DOCK5: variants seen among roughly 807,000 people sequenced by gnomAD.
The protein encoded by DOCK5 is dedicator of cytokinesis 5.
A neutral mutation model predicts 251.8 loss-of-function variants in DOCK5; 142 were observed. The observed-to-expected ratio is 0.56, with a 90% CI of 0.49 to 0.65. The LOEUF is 0.65. Ranked by LOEUF, DOCK5 falls within the 30% of genes least tolerant of loss-of-function variation. DOCK5 has a pLI of 0.00. For synonymous variants in DOCK5, 842 were observed against 835.5 expected (o/e 1.01, Z -0.13); for missense variants, 2,111 against 2,312.3 (o/e 0.91, Z 1.79).
chr8:25,297,387 A>G (rs1462485226), intron 7 of DOCK5, among the ~76,000 whole-genome samples: 1 of 151,902 alleles, frequency 6.6e-6, no homozygotes, highest in African/African-American at 2.4e-5. Flanking sequence ...CCTTCCGAGT[A>G]GCTGGGATTA....
chr8:25,359,185 G>A, intron 28 of DOCK5, 124 bp downstream of exon 28: 2 of 765,264 alleles, frequency 2.6e-6, no homozygotes, highest in East Asian at 2.5e-5. Context: ...CTATGTGGCT[G>A]TCCACAGTGA....
intron 1 of DOCK5, among the ~76,000 whole-genome samples, chr8:25,212,723 C>T (rs758207256): frequency 2.9e-5 from 2 of 69,350 alleles, no homozygotes; most frequent in African/African-American, 6.5e-5. Context: ...GAGAGAGGGT[C>T]GAAAACCCCT....
intron 1 of DOCK5, among the ~76,000 whole-genome samples, chr8:25,240,879 C>A (rs1293776984): frequency 6.6e-6 from 1 of 152,066 alleles, no homozygotes; most frequent in Non-Finnish European, 1.5e-5. Flanking sequence ...GGCTGTGCTC[C>A]CTCCGGAGGC....
chr8:25,400,907 C>T, intron 46 of DOCK5, 22 bp from the exon 47 acceptor site: 3 of 1,613,586 alleles, frequency 1.9e-6, no homozygotes, highest in Non-Finnish European at 1.7e-6. Context: ...ACACTGCACT[C>T]ATTTTTTGCC....
At chr8:25,236,523 A>C (rs568114890) in intron 1 of DOCK5, among the ~76,000 whole-genome samples, 1 of 152,304 alleles carries the variant, frequency 6.6e-6, no homozygotes, top group Admixed American at 6.5e-5. Flanking sequence ...TTTTTATAGA[A>C]TGCATATCTG....
chr8:25,403,945 A>G (rs1390084290), intron 48 of DOCK5, among the ~76,000 whole-genome samples: 1 of 152,226 alleles, frequency 6.6e-6, no homozygotes, highest in Non-Finnish European at 1.5e-5. Context: ...ACATACCTAT[A>G]GTCATTACCT....
intron 2 of DOCK5, among the ~76,000 whole-genome samples, chr8:25,260,458 A>G (rs1803549026): frequency 6.6e-6 from 1 of 152,046 alleles, no homozygotes; most frequent in Non-Finnish European, 1.5e-5. Flanking sequence ...GTGATCAGAA[A>G]GTAGGGAGAG....
intron 26 of DOCK5, among the ~76,000 whole-genome samples, chr8:25,348,085 T>C (rs1800402367): frequency 6.6e-6 from 1 of 152,262 alleles, no homozygotes; most frequent in Non-Finnish European, 1.5e-5. Flanking sequence ...ATGGTACCTT[T>C]TTTTCTTCAT....
chr8:25,237,879 A>T (rs1315870627), intron 1 of DOCK5, among the ~76,000 whole-genome samples: 3 of 152,222 alleles, frequency 2.0e-5, no homozygotes, highest in Non-Finnish European at 4.4e-5. Flanking sequence ...TACAGATAAG[A>T]AACTGAGGCC....
In DOCK5 at chr8:25,415,228, C is replaced by T. The variant is rs993258530; in HGVS notation, c.*3930C>T. 2 of 152,120 alleles carry T rather than the reference C, an allele frequency of 1.3e-5. No individual in the cohort carries two copies. The highest frequency in any genetic ancestry group is 2.9e-5 in the Non-Finnish European group (2 of 68,018). 9.4% of individuals were successfully genotyped at this position (152,120 alleles called of 1,614,324 possible). On this transcript the variant is annotated 3_prime_UTR_variant, in exon 52 of 52. Transcript: ENST00000276440. ...TTGTGCAACATCTTATAAACAATGT[C>T]ATTTCCATAGTAGTCTAAGGCTTCA...
intron 16 of DOCK5, 146 bp from the exon 17 acceptor site, chr8:25,323,702 G>T: frequency 1.2e-6 from 1 of 803,998 alleles, no homozygotes; most frequent in Non-Finnish European, 2.0e-6. Flanking sequence ...GTGGCACATG[G>T]TACGTGGCTT....
chr8:25,185,687 A>C (rs1024108722), intron 1 of DOCK5, among the ~76,000 whole-genome samples: 10 of 152,066 alleles, frequency 6.6e-5, no homozygotes, highest in African/African-American at 2.2e-4. Context: ...TATTAAGGAA[A>C]CTGTGCCAGA....
intron 45 of DOCK5, among the ~76,000 whole-genome samples, chr8:25,397,278 G>C (rs1748294682): frequency 6.6e-6 from 1 of 152,130 alleles, no homozygotes; most frequent in Admixed American, 6.5e-5. Flanking sequence ...GGATGGTTTG[G>C]AAGATTAAGG....
intron 1 of DOCK5, among the ~76,000 whole-genome samples, chr8:25,220,952 TG>T (rs1563312946): frequency 6.6e-6 from 1 of 151,804 alleles, no homozygotes; most frequent in Admixed American, 6.6e-5. Flanking sequence ...CCCGTGGGAG[TG>T]GAGAAGGGAT....
At chr8:25,387,756 C>A (rs1188959279) in intron 40 of DOCK5, among the ~76,000 whole-genome samples, 1 of 152,216 alleles carries the variant, frequency 6.6e-6, no homozygotes, top group Non-Finnish European at 1.5e-5. Context: ...ACTCTTTCCA[C>A]ATACCCACCT....
chr8:25,389,374 T>A, intron 41 of DOCK5, 142 bp downstream of exon 41: 1 of 1,156,228 alleles, frequency 8.6e-7, no homozygotes, highest in Non-Finnish European at 1.2e-6. Flanking sequence ...TCCCATTCCA[T>A]GTAAAATCTT....
intron 5 of DOCK5, among the ~76,000 whole-genome samples, chr8:25,289,411 C>G (rs927217335): frequency 2.6e-5 from 4 of 151,708 alleles, no homozygotes; most frequent in African/African-American, 9.7e-5. Context: ...CTCGGCCTCC[C>G]AAAGTGCTGG....
intron 1 of DOCK5, among the ~76,000 whole-genome samples, chr8:25,223,959 T>C (rs891093721): frequency 6.6e-6 from 1 of 152,210 alleles, no homozygotes; most frequent in African/African-American, 2.4e-5. Flanking sequence ...CTCCAATTTC[T>C]CTGTTTTATT....
At chr8:25,336,111 A>T in intron 21 of DOCK5, 128 bp from the exon 22 acceptor site, 1 of 1,040,548 alleles carries the variant, frequency 9.6e-7, no homozygotes, top group South Asian at 1.8e-5. Context: ...TTCAGGGCAT[A>T]TTCTAGAAGA....
Sources: gnomAD v4.1 joint callset for allele counts (sites outside exome capture counted in the v4.1 genomes callset) on GRCh38, gnomAD v4.1.1 for gene constraint, MANE v1.5 for transcripts, NCBI Gene and HGNC (gene_info 2026-07-23, HGNC 2026-07-21) for gene names.